The following TNS3 variants were observed in gnomAD, a reference collection of about 807,000 sequenced individuals.
TNS3 encodes the protein tensin-3.
In TNS3, 45 loss-of-function variants were observed where a neutral mutation model predicts 140.9. That is an observed-to-expected ratio of 0.32 (90% CI 0.25 to 0.41). The LOEUF is 0.41. Ranked by LOEUF, TNS3 falls within the 10% of genes least tolerant of loss-of-function variation. The pLI, the probability that TNS3 is intolerant of heterozygous loss-of-function variation, is 1.00. For missense variants in TNS3, 1,716 were observed against 1,906.7 expected, an observed-to-expected ratio of 0.90 and a Z score of 1.86; for synonymous variants, 815 against 788.4, an observed-to-expected ratio of 1.03 and a Z score of -0.56.
At chr7:47,470,612 C>A in intron 4 of TNS3, 2 of 985,284 alleles carry the variant, frequency 2.0e-6, no homozygotes, top group Non-Finnish European at 2.4e-6. Context: ...AGGAAGAGAT[C>A]CCCAGCGCAG....
At chr7:47,402,533 C>G (rs1793222551) in intron 13 of TNS3, among the ~76,000 whole-genome samples, 1 of 152,232 alleles carries the variant, frequency 6.6e-6, no homozygotes, top group Non-Finnish European at 1.5e-5. Context: ...AGGGATCCTT[C>G]CAGGATGTTC....
At chr7:47,472,111 C>G (rs967766728) in intron 4 of TNS3, among the ~76,000 whole-genome samples, 1 of 152,224 alleles carries the variant, frequency 6.6e-6, no homozygotes. Context: ...CAGCCTCTGC[C>G]TCTGTCATCA....
At chr7:47,287,711 T>A (rs1307501262) in intron 27 of TNS3, among the ~76,000 whole-genome samples, 1 of 152,206 alleles carries the variant, frequency 6.6e-6, no homozygotes, top group Admixed American at 6.5e-5. Flanking sequence ...TGGCTTGGAA[T>A]CGCGGTTAAT....
chr7:47,319,053 C>G (rs1003168808), intron 20 of TNS3, among the ~76,000 whole-genome samples: 3 of 152,240 alleles, frequency 2.0e-5, no homozygotes, highest in Non-Finnish European at 4.4e-5. Flanking sequence ...TCACTTTAGC[C>G]TGGTGGCTCA....
chr7:47,541,213 G>C (rs934041806), intron 1 of TNS3, among the ~76,000 whole-genome samples: 6 of 152,202 alleles, frequency 3.9e-5, no homozygotes, highest in Non-Finnish European at 5.9e-5. Context: ...GGAGGAGCTT[G>C]CTAGTCTAGA....
At chr7:47,284,565 T>C (rs1037273103) in intron 27 of TNS3, among the ~76,000 whole-genome samples, 2 of 152,194 alleles carry the variant, frequency 1.3e-5, no homozygotes, top group African/African-American at 4.8e-5. Flanking sequence ...AGTGCACGTG[T>C]GACTTTGGGG....
chr7:47,537,556 C>G (rs1177962520), intron 1 of TNS3, among the ~76,000 whole-genome samples: 1 of 152,110 alleles, frequency 6.6e-6, no homozygotes, highest in Non-Finnish European at 1.5e-5. Flanking sequence ...CGACGCGCCG[C>G]GCTTGGCGCA....
rs1789719753 is a variant in TNS3, at chr7:47,352,195, C to T, written c.2282-5839G>A. ...TTCACACAACAGTCACAAGCAGACACACACACTCATGCTCTCACACTTTCT... is the reference window on the plus strand; with the variant it reads ...TTCACACAACAGTCACAAGCAGACATACACACTCATGCTCTCACACTTTCT... On this transcript the variant is annotated intron_variant, in intron 17 of 30. Transcript: ENST00000311160. Among the ~76,000 whole-genome samples, 2 of 152,150 alleles carry T rather than the reference C, an allele frequency of 1.3e-5. 1 individual carries two copies. The highest frequency in any genetic ancestry group is 4.1e-4 in the South Asian group (2 of 4,826).
At chr7:47,557,882 G>A (rs1800236662) in intron 1 of TNS3, among the ~76,000 whole-genome samples, 1 of 152,218 alleles carries the variant, frequency 6.6e-6, no homozygotes, top group African/African-American at 2.4e-5. Context: ...TGTGTGTCAT[G>A]GAATTCTCCA....
At chr7:47,545,549 C>G (rs545647100) in intron 1 of TNS3, among the ~76,000 whole-genome samples, 2 of 152,338 alleles carry the variant, frequency 1.3e-5, no homozygotes, top group East Asian at 3.9e-4. Flanking sequence ...AGGGTGCTGA[C>G]AGCAAGAGGA....
intron 3 of TNS3, among the ~76,000 whole-genome samples, chr7:47,503,547 T>C (rs919669164): frequency 2.6e-5 from 4 of 152,092 alleles, no homozygotes; most frequent in Non-Finnish European, 5.9e-5. Context: ...ACAGTTGAAA[T>C]CCCAAACTTT....
intron 17 of TNS3, among the ~76,000 whole-genome samples, chr7:47,356,856 C>G (rs1790021581): frequency 6.6e-6 from 1 of 150,886 alleles, no homozygotes; most frequent in South Asian, 2.1e-4. Flanking sequence ...GAGGGTGGAT[C>G]TTTTGAGCCC....
At chr7:47,347,626 T>C (rs760221170) in intron 17 of TNS3, among the ~76,000 whole-genome samples, 1 of 151,272 alleles carries the variant, frequency 6.6e-6, no homozygotes, top group African/African-American at 2.4e-5. Flanking sequence ...CCCTGTCCCA[T>C]GGGACATCTG....
chr7:47,536,744 T>C (rs1799611770), intron 1 of TNS3, among the ~76,000 whole-genome samples: 1 of 151,950 alleles, frequency 6.6e-6, no homozygotes, highest in Non-Finnish European at 1.5e-5. Context: ...CACACAAGGG[T>C]ACACACGCAC....
At chr7:47,556,470 C>T (rs565296825) in intron 1 of TNS3, among the ~76,000 whole-genome samples, 60 of 152,236 alleles carry the variant, frequency 3.9e-4, no homozygotes, top group African/African-American at 1.4e-3. Flanking sequence ...TAGGAGCCTC[C>T]GGCCTGAGTC....
At chr7:47,378,723 C>A (rs1791565556) in intron 16 of TNS3, among the ~76,000 whole-genome samples, 1 of 152,124 alleles carries the variant, frequency 6.6e-6, no homozygotes, top group African/African-American at 2.4e-5. Flanking sequence ...TTGCAAGGGA[C>A]CGAAGCATGT....
At chr7:47,304,530 A>G (rs1425710497) in intron 21 of TNS3, among the ~76,000 whole-genome samples, 1 of 152,140 alleles carries the variant, frequency 6.6e-6, no homozygotes, top group Non-Finnish European at 1.5e-5. Context: ...TTTCCCTGTT[A>G]ATACCCACCC....
rs1422437771 is a variant in TNS3, at chr7:47,483,340, T to C, written c.-114-2199A>G. Among the ~76,000 whole-genome samples, 5 of 152,040 alleles carry C rather than the reference T, an allele frequency of 3.3e-5. No individual in the cohort carries two copies. In the East Asian group the frequency reaches 7.7e-4, roughly 24 times the overall value. Reference sequence around the variant, plus strand: ...GCCCGCCACCACGCCTGGCTAATTTTTTGTATTTTTAGTAGAGATGGGGTT... The same window carrying C: ...GCCCGCCACCACGCCTGGCTAATTTCTTGTATTTTTAGTAGAGATGGGGTT... On this transcript the variant is annotated intron_variant, in intron 3 of 30. Coordinates refer to ENST00000311160, the MANE Select transcript of TNS3 (RefSeq NM_022748.12).
At position 47,369,440 on chromosome 7, in the gene TNS3, C is replaced by T. The variant is rs772682578; in HGVS notation, c.1206G>A (p.Thr402=). ...GGGCCAGGCGCTCTTCCGTCTTATC[C>T]GTCCTGGCAGAGGCTGTAGAGTGGC... ...DSGHSTASAR[T]DKTEERLAPG... is the part of the protein sequence containing the mutation. Residue 402 remains threonine, a synonymous_variant, in exon 17 of 31, where the codon ACG becomes ACA. Transcript: ENST00000311160. 35 of 1,614,154 alleles carry T rather than the reference C, an allele frequency of 2.2e-5. No individual in the cohort carries two copies. The Middle Eastern group carries it at 8.2e-4, about 38-fold the overall frequency.
Sources: allele counts gnomAD v4.1 joint callset (sites outside exome capture counted in the v4.1 genomes callset), GRCh38; gene constraint gnomAD v4.1.1; transcripts MANE v1.5; gene names NCBI Gene and HGNC (gene_info 2026-07-23, HGNC 2026-07-21).